Variants in BAAT observed in about 807,000 individuals in gnomAD.
BAAT encodes bile acid CoA: amino acid N-acyltransferase (glycine N-choloyltransferase).
BAAT carries 13 observed loss-of-function variants against 18.9 expected under a neutral mutation model. That is an observed-to-expected ratio of 0.69 (90% CI 0.45 to 1.10). The LOEUF (loss-of-function observed/expected upper bound fraction) is 1.10. Among genes scored for constraint, BAAT ranks in the 50% least tolerant of loss-of-function variants. The pLI is 0.00. For missense variants in BAAT, 489 were observed against 504.0 expected (o/e 0.97, Z 0.28); for synonymous variants, 170 against 190.7 (o/e 0.89, Z 0.89).
In BAAT at chr9:101,370,999, C is replaced by T. The variant is rs1829928989; in HGVS notation, c.406G>A (p.Gly136Ser). 1 of 1,614,074 alleles carries T rather than the reference C, an allele frequency of 6.2e-7. No homozygotes were observed. Among genetic ancestry groups the T allele is most frequent in the East Asian group, 2.2e-5 (1 of 44,866 alleles). The change falls in exon 2 of 4, where the codon GGT becomes AGT. Residue 136 changes from glycine to serine, a missense_variant. Transcript: ENST00000259407. The stretch of plus-strand genomic sequence containing the variant: ...TCTCGAACCTTAATTCGTGTGACAC[C>T]AGGTGCCACATACCACCTCTCCAAA... Reference protein sequence around the residue: ...LTLERWYVAPGVTRIKVREGR... With the variant: ...LTLERWYVAPSVTRIKVREGR...
At chr9:101,380,582 T>C (rs890538605) in intron 1 of BAAT, among the ~76,000 whole-genome samples, 2 of 152,156 alleles carry the variant, frequency 1.3e-5, no homozygotes, top group Non-Finnish European at 2.9e-5. Context: ...GTAGAAGCTG[T>C]ATCCTTTTTA....
chr9:101,366,233 G>C (rs923483355), intron 3 of BAAT, among the ~76,000 whole-genome samples: 5 of 151,962 alleles, frequency 3.3e-5, no homozygotes, highest in Admixed American at 3.3e-4. Flanking sequence ...TAAAGTAAAA[G>C]CAAGTATAAC....
chr9:101,381,971 A>G (rs981514077), intron 1 of BAAT, among the ~76,000 whole-genome samples: 21 of 152,260 alleles, frequency 1.4e-4, no homozygotes, highest in African/African-American at 5.1e-4. Context: ...TAGTACTTCA[A>G]AAAGAATTTA....
chr9:101,366,918 C>T (rs1829839152), intron 3 of BAAT, among the ~76,000 whole-genome samples: 2 of 151,576 alleles, frequency 1.3e-5, no homozygotes, highest in East Asian at 3.9e-4. Context: ...TGGAGACCAG[C>T]TTTCCCAATA....
chr9:101,381,875 A>G (rs1332091330), intron 1 of BAAT, among the ~76,000 whole-genome samples: 2 of 152,196 alleles, frequency 1.3e-5, no homozygotes, highest in Non-Finnish European at 2.9e-5. Context: ...TTTTCTTGTA[A>G]TCAAGAAATT....
intron 1 of BAAT, among the ~76,000 whole-genome samples, chr9:101,377,815 GTC>G (rs547773555): frequency 5.9e-5 from 9 of 152,278 alleles, no homozygotes; most frequent in Non-Finnish European, 2.9e-5. Flanking sequence ...AAGACAAATT[GTC>G]TCTGTTTGCA....
intron 2 of BAAT, among the ~76,000 whole-genome samples, chr9:101,370,320 CTTTT>C (rs749077224): frequency 0.035 from 3,622 of 103,312 alleles, 9 homozygotes; most frequent in Middle Eastern, 0.067. Flanking sequence ...ATGCATTATC[CTTTT>C]TTTTTTTTTT....
chr9:101,366,718 T>C (rs977810660), intron 3 of BAAT, among the ~76,000 whole-genome samples: 12 of 152,168 alleles, frequency 7.9e-5, no homozygotes, highest in African/African-American at 2.9e-4. Flanking sequence ...GCATCAAAAA[T>C]AGCCATTTAA....
chr9:101,371,384 G>C lies in BAAT; in HGVS notation c.21C>G (p.Thr7=). The C allele has an allele frequency of 6.2e-7, 1 of 1,611,566 alleles. No individual in the cohort carries two copies. Among genetic ancestry groups the C allele is most frequent in the African/African-American group, 1.3e-5 (1 of 75,016 alleles). Residue 7 remains threonine (T), a synonymous_variant, in exon 2 of 4, where the codon ACC becomes ACG. Transcript: ENST00000259407. ...GCTCATCAACAAGTGCACTCACAGG[G>C]GTAGCTGTCAACTGGATCATTTTTT... MIQLTA[T]PVSALVDEPV...
chr9:101,370,711 A>T (rs1024208429), intron 2 of BAAT, among the ~76,000 whole-genome samples: 2 of 152,166 alleles, frequency 1.3e-5, no homozygotes, highest in Admixed American at 1.3e-4. Context: ...ATATTACCAC[A>T]TTCTTGTTCA....
rs765245299 is a variant in BAAT, at chr9:101,384,902, C to G, written c.-107G>C. ...AAATTTCAGCGTAGGTTCTATTTTC[C>G]CTAAGTGTCGGCTGGTCTGAGAAAT... On this transcript the variant is annotated 5_prime_UTR_variant, in exon 1 of 4. Transcript: ENST00000259407. Among the ~76,000 whole-genome samples the G allele has an allele frequency of 6.6e-6, 1 of 151,994 alleles. No homozygotes were observed. Among genetic ancestry groups the G allele is most frequent in the Non-Finnish European group, 1.5e-5 (1 of 68,016 alleles).
At chr9:101,377,075 A>C (rs1458287912) in intron 1 of BAAT, among the ~76,000 whole-genome samples, 1 of 152,200 alleles carries the variant, frequency 6.6e-6, no homozygotes, top group East Asian at 1.9e-4. Flanking sequence ...AATTTTATTA[A>C]AATTAGCTTT....
intron 3 of BAAT, among the ~76,000 whole-genome samples, chr9:101,366,198 T>C (rs1829823925): frequency 6.6e-6 from 1 of 152,028 alleles, no homozygotes; most frequent in African/African-American, 2.4e-5. Flanking sequence ...AGATGGGAAC[T>C]CAGAGTGGAT....
At chr9:101,364,582 C>T (rs556883934) in intron 3 of BAAT, among the ~76,000 whole-genome samples, 1 of 152,146 alleles carries the variant, frequency 6.6e-6, no homozygotes, top group South Asian at 2.1e-4. Flanking sequence ...ATAGGAGAAA[C>T]TCATGCAAAA....
intron 3 of BAAT, among the ~76,000 whole-genome samples, chr9:101,365,468 A>G (rs1332549008): frequency 1.3e-5 from 2 of 151,984 alleles, no homozygotes; most frequent in African/African-American, 4.8e-5. Flanking sequence ...GGCTTGAATC[A>G]ATTAAAAGTT....
At chr9:101,372,465 A>G (rs1287449453) in intron 1 of BAAT, among the ~76,000 whole-genome samples, 5 of 152,194 alleles carry the variant, frequency 3.3e-5, no homozygotes, top group Non-Finnish European at 7.3e-5. Flanking sequence ...CCATTCAGGT[A>G]CATAAAAGTC....
intron 1 of BAAT, among the ~76,000 whole-genome samples, chr9:101,380,778 G>T (rs1830119543): frequency 6.6e-6 from 1 of 152,052 alleles, no homozygotes; most frequent in African/African-American, 2.4e-5. Flanking sequence ...TTTTAAGATG[G>T]AGTCTTGCTC....
At chr9:101,370,320 CTTTTTTTTTTTTT>C (rs749077224) in intron 2 of BAAT, among the ~76,000 whole-genome samples, 2 of 103,672 alleles carry the variant, frequency 1.9e-5, no homozygotes, top group South Asian at 3.5e-4. Context: ...ATGCATTATC[CTTTTTTTTTTTTT>C]TTTTTTTTTT....
chr9:101,375,955 CAACA>C (rs934783595), intron 1 of BAAT: 17 of 152,426 alleles, frequency 1.1e-4, no homozygotes, highest in African/African-American at 3.6e-4. Flanking sequence ...AGAAGTCCTG[CAACA>C]AAAATCTGCC....
Sources: allele counts gnomAD v4.1 joint callset (sites outside exome capture counted in the v4.1 genomes callset), GRCh38; gene constraint gnomAD v4.1.1; transcripts MANE v1.5; gene names NCBI Gene and HGNC (gene_info 2026-07-23, HGNC 2026-07-21).